Variants in RASA3 observed in about 807,000 individuals in gnomAD.
RASA3 encodes RAS p21 protein activator 3.
A neutral mutation model predicts 110.0 loss-of-function variants in RASA3; 73 were observed. That is an observed-to-expected ratio of 0.66 (90% CI 0.55 to 0.81). The LOEUF (loss-of-function observed/expected upper bound fraction) is 0.81, where lower values mean the gene tolerates loss of function less well. Ranked by LOEUF, RASA3 falls within the 30% of genes least tolerant of loss-of-function variation. The pLI is 0.00. For synonymous variants in RASA3, 500 were observed against 451.4 expected (o/e 1.11, Z -1.37); for missense variants, 976 against 1,113.2 (o/e 0.88, Z 1.75).
Position 114,048,098 on chromosome 13 carries a change from G to C in RASA3, c.277+3954C>G, listed in dbSNP as rs552278296. On this transcript the variant is annotated intron_variant, in intron 3 of 23. Coordinates refer to ENST00000334062, the MANE Select transcript of RASA3 (RefSeq NM_007368.4). This position sits in a 1 kb window ranked among gnomAD's most constrained non-coding sequence, Gnocchi z 4.3. Reference sequence around the variant, plus strand: ...TGGGAGGCCGAGGTGGGCGGATCACGAGGTCAGGAGATAGAGACCACCTTG... The same window carrying C: ...TGGGAGGCCGAGGTGGGCGGATCACCAGGTCAGGAGATAGAGACCACCTTG... Among the ~76,000 whole-genome samples the C allele has an allele frequency of 3.9e-4, 60 of 152,134 alleles. No individual in the cohort carries two copies. The highest frequency in any genetic ancestry group is 1.4e-3 in the African/African-American group (58 of 41,432).
At chr13:113,990,038 C>A (rs1392592523) in intron 22 of RASA3, among the ~76,000 whole-genome samples, 2 of 152,184 alleles carry the variant, frequency 1.3e-5, no homozygotes, top group Middle Eastern at 3.4e-3. Flanking sequence ...TGAGTTCTCA[C>A]GAGGTCTGGT....
At chr13:114,016,544 C>T (rs941414849) in intron 12 of RASA3, among the ~76,000 whole-genome samples, 2 of 152,148 alleles carry the variant, frequency 1.3e-5, no homozygotes, top group Non-Finnish European at 2.9e-5. Context: ...AGAGGTCAGG[C>T]GCAAACACTA....
At position 114,065,937 on chromosome 13, in the gene RASA3, G is replaced by T. The variant is rs2079441062; in HGVS notation, c.173+7783C>A. Among the ~76,000 whole-genome samples the T allele has an allele frequency of 6.6e-6, 1 of 152,202 alleles. No homozygotes were observed. Among genetic ancestry groups the T allele is most frequent in the East Asian group, 1.9e-4 (1 of 5,198 alleles). On this transcript the variant is annotated intron_variant, in intron 2 of 23. Transcript: ENST00000334062. The surrounding 1 kb of genome is among the most constrained non-coding windows in gnomAD (Gnocchi z 4.1). Reference sequence around the variant, plus strand: ...TCAGTGAGGAAAGCAGGCGGGCTGGGCTGAGACTCACAGCTGCAGCGGCCG... The same window carrying T: ...TCAGTGAGGAAAGCAGGCGGGCTGGTCTGAGACTCACAGCTGCAGCGGCCG...
chr13:114,109,580 C>T (rs2080187698), intron 1 of RASA3, among the ~76,000 whole-genome samples: 1 of 152,188 alleles, frequency 6.6e-6, no homozygotes, highest in Non-Finnish European at 1.5e-5. Flanking sequence ...CCATGAGGGC[C>T]GCGGAGAGGA....
chr13:114,035,266 T>A (rs1054269349), intron 4 of RASA3, among the ~76,000 whole-genome samples: 7 of 152,096 alleles, frequency 4.6e-5, no homozygotes, highest in African/African-American at 1.2e-4. Context: ...AGGCACAAAT[T>A]CCCACAGGAA....
In RASA3 at chr13:114,097,987, C is replaced by T. The variant is rs956538904; in HGVS notation, c.56-24150G>A. ...AGAGTGGATACCCCTGGGAACAAAG[C>T]GGGCCCAGATGGAGACCTCAGACAA... On this transcript the variant is annotated intron_variant, in intron 1 of 23. Transcript: ENST00000334062. Among the ~76,000 whole-genome samples the T allele has an allele frequency of 7.2e-5, 11 of 152,310 alleles. No individual in the cohort carries two copies. The South Asian group carries it at 8.3e-4, about 11-fold the overall frequency.
chr13:113,990,160 C>A (rs1164196967), intron 22 of RASA3, among the ~76,000 whole-genome samples: 1 of 152,156 alleles, frequency 6.6e-6, no homozygotes, highest in Non-Finnish European at 1.5e-5. Context: ...TTTCCTGAGG[C>A]CTCCCCAACC....
chr13:114,021,908 C>T (rs2053935309), intron 8 of RASA3, among the ~76,000 whole-genome samples: 1 of 151,796 alleles, frequency 6.6e-6, no homozygotes, highest in South Asian at 2.1e-4. Flanking sequence ...AGGAGGGAGC[C>T]AGGCGTCGCT....
intron 3 of RASA3, among the ~76,000 whole-genome samples, chr13:114,049,743 C>T (rs1021890287): frequency 1.3e-5 from 2 of 152,264 alleles, no homozygotes; most frequent in Admixed American, 6.5e-5. Flanking sequence ...GCCTCCCTTT[C>T]TTCTGAGAAC....
intron 1 of RASA3, among the ~76,000 whole-genome samples, chr13:114,093,079 C>T (rs2079905870): frequency 6.6e-6 from 1 of 152,228 alleles, no homozygotes; most frequent in Non-Finnish European, 1.5e-5. Context: ...TATTGCCTAT[C>T]TCCTAACTAA....
intron 4 of RASA3, among the ~76,000 whole-genome samples, chr13:114,035,414 T>C (rs1297658468): frequency 6.6e-6 from 1 of 152,222 alleles, no homozygotes; most frequent in Non-Finnish European, 1.5e-5. Context: ...GTGGCTGCAG[T>C]GTCACCCATG....
chr13:114,067,689 C>T (rs1200068035), intron 2 of RASA3, among the ~76,000 whole-genome samples: 2 of 152,192 alleles, frequency 1.3e-5, no homozygotes, highest in African/African-American at 2.4e-5. Context: ...AAAGAAACCT[C>T]CCTGTCTTTA....
chr13:114,126,236 G>A lies in RASA3; in HGVS notation c.55+6199C>T, dbSNP rs1015442909. On this transcript the variant is annotated intron_variant, in intron 1 of 23. Coordinates refer to ENST00000334062, the MANE Select transcript of RASA3 (RefSeq NM_007368.4). ...CAACCTCGCACCCTCCAGAGGTACC[G>A]GCACCTGCGGGGCATGACACCACAT... Among the ~76,000 whole-genome samples the A allele has an allele frequency of 7.9e-5, 12 of 152,050 alleles. 1 individual carries two copies. Among genetic ancestry groups the A allele is most frequent in the Admixed American group, 2.0e-4 (3 of 15,280 alleles).
At chr13:114,015,417 G>T (rs41291217) in intron 13 of RASA3, 85 bp from the exon 14 acceptor site, 14 of 1,557,934 alleles carry the variant, frequency 9.0e-6, no homozygotes, top group African/African-American at 2.7e-5. Context: ...GGAGGGGCGC[G>T]TGGGGAGGGG....
In RASA3 at chr13:114,007,394, GCCC is replaced by G; in HGVS notation, c.1742+136_1742+138del. The G allele has an allele frequency of 6.0e-5, 13 of 216,534 alleles. 2 individuals carry two copies. The highest frequency in any genetic ancestry group is 1.5e-4 in the African/African-American group (1 of 6,834). The allele number at this position is 216,534 out of a possible 1,614,324, so 13.4% of individuals were successfully genotyped here. A position where few individuals can be genotyped will look rare whatever the true frequency, so the allele number is the denominator to read the frequency against. Reference sequence around the variant, plus strand: ...CGCCACCTTACCCTTCTCCCCTCCTGCCCTGCTGGACGCCACCTTACCCTTCTC... The same window carrying G: ...CGCCACCTTACCCTTCTCCCCTCCTGTGCTGGACGCCACCTTACCCTTCTC... On this transcript the variant is annotated intron_variant, in intron 18 of 23. Transcript: ENST00000334062.
At chr13:114,017,613 C>T (rs1182648286) in intron 11 of RASA3, among the ~76,000 whole-genome samples, 1 of 152,248 alleles carries the variant, frequency 6.6e-6, no homozygotes, top group African/African-American at 2.4e-5. Flanking sequence ...GGCTGGCCTT[C>T]GCCCTCCCGC....
chr13:114,066,058 GCACGCCACACACCA>G (rs1251225033), intron 2 of RASA3, among the ~76,000 whole-genome samples: 62 of 151,528 alleles, frequency 4.1e-4, no homozygotes, highest in African/African-American at 1.1e-3. Context: ...TGGTCGCCAG[GCACGCCACACACCA>G]CACGCCACAC....
intron 1 of RASA3, among the ~76,000 whole-genome samples, chr13:114,124,864 C>T (rs1219026696): frequency 5.9e-5 from 9 of 152,226 alleles, no homozygotes; most frequent in Non-Finnish European, 8.8e-5. Context: ...TTCTAAGCTC[C>T]GCCTTTGTTC....
At chr13:114,092,467 TAGTTTCCAA>T (rs1304568265) in intron 1 of RASA3, among the ~76,000 whole-genome samples, 1 of 152,190 alleles carries the variant, frequency 6.6e-6, no homozygotes, top group Admixed American at 6.6e-5. Flanking sequence ...TGTGTTTGCA[TAGTTTCCAA>T]AGTTCCTCTT....
Sources: allele counts gnomAD v4.1 joint callset (sites outside exome capture counted in the v4.1 genomes callset), GRCh38; gene constraint gnomAD v4.1.1; non-coding constraint Gnocchi (gnomAD v3.1); transcripts MANE v1.5; gene names NCBI Gene and HGNC (gene_info 2026-07-23, HGNC 2026-07-21).